FAM135B: variants seen among roughly 807,000 people sequenced by gnomAD.
FAM135B encodes protein FAM135B.
A neutral mutation model predicts 127.7 loss-of-function variants in FAM135B; 43 were observed. The observed-to-expected ratio is 0.34, with a 90% CI of 0.26 to 0.43. The LOEUF (loss-of-function observed/expected upper bound fraction) is 0.43. Ranked by LOEUF, FAM135B falls within the 20% of genes least tolerant of loss-of-function variation. FAM135B has a pLI of 1.00. For missense variants in FAM135B, 1,558 were observed against 1,725.6 expected (o/e 0.90, Z 1.72); for synonymous variants, 670 against 665.1 (o/e 1.01, Z -0.11).
intron 2 of FAM135B, among the ~76,000 whole-genome samples, chr8:138,323,936 C>T (rs1827626043): frequency 6.6e-6 from 1 of 152,204 alleles, no homozygotes; most frequent in African/African-American, 2.4e-5. Context: ...AAAACAAAGG[C>T]TGTCTTCATG....
At chr8:138,236,054 G>A (rs1820250491) in intron 7 of FAM135B, among the ~76,000 whole-genome samples, 1 of 152,132 alleles carries the variant, frequency 6.6e-6, no homozygotes, top group Non-Finnish European at 1.5e-5. Flanking sequence ...CAGGTCTGTT[G>A]GGAAAGTCAA....
chr8:138,422,435 AC>A (rs1038510327), intron 1 of FAM135B, among the ~76,000 whole-genome samples: 6 of 152,146 alleles, frequency 3.9e-5, no homozygotes, highest in African/African-American at 1.4e-4. Context: ...AAGACAAATA[AC>A]CCCATTTTTA....
At chr8:138,396,860 C>T (rs1380790779) in intron 1 of FAM135B, among the ~76,000 whole-genome samples, 4 of 152,204 alleles carry the variant, frequency 2.6e-5, no homozygotes, top group African/African-American at 9.6e-5. Flanking sequence ...TATCCCCAGA[C>T]AGCACCTGCT....
intron 2 of FAM135B, among the ~76,000 whole-genome samples, chr8:138,338,056 AT>A (rs1163836816): frequency 2.6e-5 from 4 of 152,248 alleles, no homozygotes; most frequent in Non-Finnish European, 4.4e-5. Flanking sequence ...GGCTAGCCAC[AT>A]GTAGAAAGCT....
intron 3 of FAM135B, among the ~76,000 whole-genome samples, chr8:138,294,260 G>A (rs1273284949): frequency 1.3e-5 from 2 of 152,006 alleles, no homozygotes; most frequent in Non-Finnish European, 2.9e-5. Flanking sequence ...GTGGAAGGGG[G>A]TGAAAGATAA....
chr8:138,332,501 T>C (rs1828258682), intron 2 of FAM135B, among the ~76,000 whole-genome samples: 1 of 152,094 alleles, frequency 6.6e-6, no homozygotes. Flanking sequence ...CAAAGTCACG[T>C]GTGGATTTAG....
At chr8:138,446,000 T>C (rs1836134589) in intron 1 of FAM135B, among the ~76,000 whole-genome samples, 1 of 152,188 alleles carries the variant, frequency 6.6e-6, no homozygotes, top group Non-Finnish European at 1.5e-5. Context: ...AGCATTCTTA[T>C]ACACCAATAA....
At chr8:138,455,992 C>T (rs867902807) in intron 1 of FAM135B, among the ~76,000 whole-genome samples, 1 of 152,178 alleles carries the variant, frequency 6.6e-6, no homozygotes, top group Non-Finnish European at 1.5e-5. Flanking sequence ...CAATTTCTGT[C>T]TCTCAAATGG....
At chr8:138,386,721 A>AAT (rs1473960703) in intron 1 of FAM135B, among the ~76,000 whole-genome samples, 5 of 152,214 alleles carry the variant, frequency 3.3e-5, no homozygotes, top group African/African-American at 1.2e-4. Context: ...TTCCTTTATC[A>AAT]ATATCTCAGC....
intron 12 of FAM135B, among the ~76,000 whole-genome samples, chr8:138,157,357 A>T (rs1818864818): frequency 6.6e-6 from 1 of 152,186 alleles, no homozygotes; most frequent in Admixed American, 6.5e-5. Context: ...ATGGGCAAAA[A>T]CTGGAAGCAT....
At chr8:138,137,742 C>T (rs1816784664) in intron 18 of FAM135B, among the ~76,000 whole-genome samples, 1 of 152,176 alleles carries the variant, frequency 6.6e-6, no homozygotes. Context: ...GGAAAACAGC[C>T]TCAGAACTCA....
At chr8:138,350,497 A>AACACACAC (rs59686476) in intron 2 of FAM135B, among the ~76,000 whole-genome samples, 1,947 of 148,148 alleles carry the variant, frequency 0.013, 39 homozygotes, top group African/African-American at 0.045. Flanking sequence ...GGTTTTCTAC[A>AACACACAC]ACACACACAC....
intron 3 of FAM135B, among the ~76,000 whole-genome samples, chr8:138,270,620 G>A (rs1251291121): frequency 1.3e-5 from 2 of 152,220 alleles, no homozygotes; most frequent in East Asian, 3.9e-4. Flanking sequence ...CAATATCAGG[G>A]TGCTTGCATC....
intron 2 of FAM135B, among the ~76,000 whole-genome samples, chr8:138,335,940 G>A (rs541572413): frequency 6.6e-6 from 1 of 152,256 alleles, no homozygotes; most frequent in African/African-American, 2.4e-5. Flanking sequence ...CTAGAACTCA[G>A]GATTAAGAAA....
At chr8:138,226,185 G>GTGTGTGTGTGTGTGTGCGCGCGCGCGCA (rs1491439764) in intron 7 of FAM135B, among the ~76,000 whole-genome samples, 1 of 96,762 alleles carries the variant, frequency 1.0e-5, no homozygotes, top group Admixed American at 1.1e-4. Context: ...GTGTGTGTGT[G>GTGTGTGTGTGTGTGTGCGCGCGCGCGCA]CGCGCATGTC....
chr8:138,206,814 T>A (rs1817710586), intron 7 of FAM135B, among the ~76,000 whole-genome samples: 1 of 151,238 alleles, frequency 6.6e-6, no homozygotes, highest in African/African-American at 2.4e-5. Context: ...CCCCTCCACC[T>A]ACACACAACT....
At chr8:138,313,751 T>C (rs1194165742) in intron 2 of FAM135B, among the ~76,000 whole-genome samples, 1 of 20,780 alleles carries the variant, frequency 4.8e-5, no homozygotes, top group African/African-American at 1.1e-4. Context: ...TGGGAAAAAA[T>C]AGTTGCAAAT....
In FAM135B at chr8:138,226,503, C is replaced by A. The variant is rs532214933; in HGVS notation, c.669+16439G>T. On this transcript the variant is annotated intron_variant, in intron 7 of 19. Transcript: ENST00000395297. The stretch of plus-strand genomic sequence containing the variant: ...GGGGTTGTCCAGGAAGTGTGTGCAG[C>A]ATGTGCAAAGGCCCTGTGGTTGCAC... Among the ~76,000 whole-genome samples the A allele has an allele frequency of 4.2e-4, 64 of 152,206 alleles. 1 individual carries two copies. Among genetic ancestry groups the A allele is most frequent in the Middle Eastern group, 6.8e-3 (2 of 294 alleles).
chr8:138,357,636 A>G (rs1318095017), intron 2 of FAM135B, among the ~76,000 whole-genome samples: 1 of 152,150 alleles, frequency 6.6e-6, no homozygotes, highest in Non-Finnish European at 1.5e-5. Flanking sequence ...TACATTTAAA[A>G]CTGCTTTTGA....
Sources: allele counts gnomAD v4.1 joint callset (sites outside exome capture counted in the v4.1 genomes callset), GRCh38; gene constraint gnomAD v4.1.1; transcripts MANE v1.5; gene names NCBI Gene and HGNC (gene_info 2026-07-23, HGNC 2026-07-21).